PTPRD: variants seen among roughly 807,000 people sequenced by gnomAD.
The protein encoded by PTPRD is protein tyrosine phosphatase receptor type D, also known as receptor-type tyrosine-protein phosphatase delta.
In PTPRD, 34 loss-of-function variants were observed where a neutral mutation model predicts 214.5. That is an observed-to-expected ratio of 0.16 (90% CI 0.12 to 0.21). The LOEUF (loss-of-function observed/expected upper bound fraction) is 0.21. Ranked by LOEUF, PTPRD falls within the 10% of genes least tolerant of loss-of-function variation. The pLI is 1.00. For missense variants in PTPRD, 2,545 were observed against 2,398.7 expected (o/e 1.06, Z -1.27); for synonymous variants, 1,128 against 845.7 (o/e 1.33, Z -5.79).
At chr9:9,421,685 A>C (rs534276048) in intron 8 of PTPRD, among the ~76,000 whole-genome samples, 1 of 152,146 alleles carries the variant, frequency 6.6e-6, no homozygotes, top group Non-Finnish European at 1.5e-5. Flanking sequence ...GCCAAAGGTG[A>C]AAATGATACT....
intron 7 of PTPRD, among the ~76,000 whole-genome samples, chr9:9,603,381 T>C (rs560241098): frequency 1.1e-3 from 169 of 152,286 alleles, no homozygotes; most frequent in African/African-American, 4.0e-3. Context: ...GAATCAGCTA[T>C]GGTACCCTAA....
intron 7 of PTPRD, among the ~76,000 whole-genome samples, chr9:9,625,983 T>G (rs1316997223): frequency 1.3e-5 from 2 of 152,210 alleles, no homozygotes; most frequent in Admixed American, 6.5e-5. Flanking sequence ...TACTGAGTTC[T>G]GCCTTTGTAG....
At chr9:8,438,204 T>C (rs552994368) in intron 34 of PTPRD, among the ~76,000 whole-genome samples, 1 of 152,302 alleles carries the variant, frequency 6.6e-6, no homozygotes, top group South Asian at 2.1e-4. Flanking sequence ...TTGTTAAAAG[T>C]CACCCAGTAA....
chr9:8,712,229 T>C (rs1011181948), intron 12 of PTPRD, among the ~76,000 whole-genome samples: 1 of 152,210 alleles, frequency 6.6e-6, no homozygotes, highest in African/African-American at 2.4e-5. Flanking sequence ...TTAGTAATTT[T>C]GGTAAACAGT....
chr9:9,721,569 C>G (rs1157546126), intron 7 of PTPRD, among the ~76,000 whole-genome samples: 2 of 152,036 alleles, frequency 1.3e-5, no homozygotes, highest in East Asian at 3.9e-4. Context: ...TAGGAAAAGC[C>G]CGCATTTTGC....
At chr9:9,674,943 G>C (rs1470943933) in intron 7 of PTPRD, among the ~76,000 whole-genome samples, 1 of 151,768 alleles carries the variant, frequency 6.6e-6, no homozygotes, top group African/African-American at 2.4e-5. Flanking sequence ...AGTAGTTTAA[G>C]TATAGAAGGT....
intron 7 of PTPRD, among the ~76,000 whole-genome samples, chr9:9,667,254 A>T (rs1389579269): frequency 2.0e-5 from 3 of 152,018 alleles, no homozygotes; most frequent in Non-Finnish European, 4.4e-5. Flanking sequence ...AAAGCTCCAA[A>T]TATTACCATA....
At chr9:9,636,071 A>G (rs2095756479) in intron 7 of PTPRD, among the ~76,000 whole-genome samples, 6 of 152,122 alleles carry the variant, frequency 3.9e-5, no homozygotes, top group Admixed American at 3.9e-4. Flanking sequence ...TCAAAGCCCC[A>G]CCACACTTTT....
At chr9:9,262,956 T>A (rs1297323913) in intron 9 of PTPRD, among the ~76,000 whole-genome samples, 2 of 151,682 alleles carry the variant, frequency 1.3e-5, no homozygotes, top group Non-Finnish European at 3.0e-5. Flanking sequence ...AAAACATTTC[T>A]ACTCCCACCC....
At chr9:9,903,191 A>G (rs1468429700) in intron 5 of PTPRD, among the ~76,000 whole-genome samples, 3 of 152,264 alleles carry the variant, frequency 2.0e-5, no homozygotes, top group East Asian at 3.9e-4. Flanking sequence ...GCATAGCAGA[A>G]AGATTGCATG....
chr9:9,892,176 T>C (rs1018815666), intron 5 of PTPRD, among the ~76,000 whole-genome samples: 1 of 151,822 alleles, frequency 6.6e-6, no homozygotes, highest in Non-Finnish European at 1.5e-5. Flanking sequence ...ATAAGTTCTA[T>C]GAAGAAAAAT....
intron 3 of PTPRD, among the ~76,000 whole-genome samples, chr9:10,073,496 A>T (rs2098073440): frequency 6.6e-6 from 1 of 152,172 alleles, no homozygotes; most frequent in Non-Finnish European, 1.5e-5. Context: ...AAGAAATAAC[A>T]TTAGGTAAAA....
chr9:10,261,041 A>G (rs1381956411), intron 3 of PTPRD, among the ~76,000 whole-genome samples: 2 of 139,492 alleles, frequency 1.4e-5, no homozygotes, highest in African/African-American at 2.7e-5. Context: ...ATATATGTGT[A>G]TATATATTAT....
Position 8,314,789 on chromosome 9 carries a change from C to T in PTPRD, c.*3085G>A. The T allele has an allele frequency of 4.3e-6, 1 of 232,212 alleles. No individual in the cohort carries two copies. Among genetic ancestry groups the T allele is most frequent in the East Asian group, 6.1e-5 (1 of 16,514 alleles). 14.4% of individuals were successfully genotyped at this position (232,212 alleles called of 1,614,324 possible). ...CATACACACAAATGAATTTCCGAAGCAGTTTCTTACAGATGGGTTCAAGTA... is the reference window on the plus strand; with the variant it reads ...CATACACACAAATGAATTTCCGAAGTAGTTTCTTACAGATGGGTTCAAGTA... On this transcript the variant is annotated 3_prime_UTR_variant, in exon 46 of 46. Transcript: ENST00000381196.
intron 2 of PTPRD, among the ~76,000 whole-genome samples, chr9:10,381,182 C>T (rs2097817519): frequency 6.6e-6 from 1 of 151,700 alleles, no homozygotes; most frequent in Admixed American, 6.6e-5. Flanking sequence ...CGATTACTCA[C>T]TATCTTTTTC....
At chr9:8,321,435 TAAG>T (rs1219377767) in intron 44 of PTPRD, among the ~76,000 whole-genome samples, 2 of 141,322 alleles carry the variant, frequency 1.4e-5, no homozygotes, top group African/African-American at 2.6e-5. Context: ...CATTCCTAAA[TAAG>T]AGGAAATATA....
chr9:8,804,670 G>A (rs909570867), intron 11 of PTPRD, among the ~76,000 whole-genome samples: 1 of 142,898 alleles, frequency 7.0e-6, no homozygotes, highest in South Asian at 2.4e-4. Context: ...CTGGAGAAAC[G>A]TGTGGCATGA....
intron 5 of PTPRD, among the ~76,000 whole-genome samples, chr9:9,808,921 C>A (rs2153534163): frequency 6.6e-6 from 1 of 150,856 alleles, no homozygotes; most frequent in East Asian, 2.0e-4. Flanking sequence ...ATGGTACATG[C>A]CACAATGCCT....
At chr9:9,161,774 C>G (rs2099889541) in intron 10 of PTPRD, among the ~76,000 whole-genome samples, 2 of 152,038 alleles carry the variant, frequency 1.3e-5, no homozygotes, top group South Asian at 4.2e-4. Context: ...ACTTGTGTAT[C>G]ATACTATATT....
Sources: allele counts gnomAD v4.1 joint callset (sites outside exome capture counted in the v4.1 genomes callset), GRCh38; gene constraint gnomAD v4.1.1; transcripts MANE v1.5; gene names NCBI Gene and HGNC (gene_info 2026-07-23, HGNC 2026-07-21).